CHN2: variants seen among roughly 807,000 people sequenced by gnomAD.
CHN2 encodes the protein chimerin 2, also known as beta-chimaerin.
In CHN2, 35 loss-of-function variants were observed where a neutral mutation model predicts 56.3. The ratio of observed to expected loss-of-function variants is 0.62; its 90% CI spans 0.47 to 0.82. The LOEUF (loss-of-function observed/expected upper bound fraction) is 0.82, where lower values mean the gene tolerates loss of function less well. CHN2 is among the 40% of genes least tolerant of loss of function. The pLI is 0.00. For missense variants in CHN2, 491 were observed against 580.5 expected (o/e 0.85, Z 1.58); for synonymous variants, 210 against 212.8 (o/e 0.99, Z 0.12).
chr7:29,409,163 G>A (rs73306839), intron 6 of CHN2, among the ~76,000 whole-genome samples: 6 of 152,102 alleles, frequency 3.9e-5, no homozygotes, highest in Non-Finnish European at 7.4e-5. Flanking sequence ...GCAGCTCTGC[G>A]GGCCTAGGAC....
rs1795766267 is a variant in CHN2, at chr7:29,325,958, T to C, written c.50-28667T>C. Among the ~76,000 whole-genome samples, 5 of 152,338 alleles carry C rather than the reference T, an allele frequency of 3.3e-5. No homozygotes were observed. In the South Asian group the frequency reaches 6.2e-4, roughly 19 times the overall value. ...ACTCTGAGACCTCTGTGTCCTTCTC[T>C]ATAACATGAGAACATTGGATCAACT... On this transcript the variant is annotated intron_variant, in intron 1 of 12. Transcript: ENST00000222792.
At chr7:29,196,353 T>C (rs1229970764) in intron 1 of CHN2, among the ~76,000 whole-genome samples, 1 of 152,236 alleles carries the variant, frequency 6.6e-6, no homozygotes, top group Non-Finnish European at 1.5e-5. Context: ...GTGTGTGATA[T>C]AGTTCAAGTT....
At chr7:29,502,699 A>G (rs779154791) in intron 9 of CHN2, among the ~76,000 whole-genome samples, 7 of 152,186 alleles carry the variant, frequency 4.6e-5, no homozygotes, top group Non-Finnish European at 8.8e-5. Context: ...CCATTTAATT[A>G]TAATCCAAAC....
intron 2 of CHN2, among the ~76,000 whole-genome samples, chr7:29,185,319 T>C (rs2128747818): frequency 6.6e-6 from 1 of 152,338 alleles, no homozygotes; most frequent in East Asian, 1.9e-4. Context: ...TTAAAGATCA[T>C]AACATGGACC....
rs189500986 is a variant in CHN2 at position 29,232,771 on chromosome 7, C to T, written c.49+37781C>T. Among the ~76,000 whole-genome samples, 7 of 152,196 alleles carry T rather than the reference C, an allele frequency of 4.6e-5. No individual in the cohort carries two copies. In the East Asian group the frequency reaches 1.4e-3, roughly 29 times the overall value. On this transcript the variant is annotated intron_variant, in intron 1 of 12. Coordinates refer to ENST00000222792, the MANE Select transcript of CHN2 (RefSeq NM_004067.4). ...TGAATGCTCATTGAATGCAGGGTAC[C>T]ATTAAATTTTGCAGGCTTCTTTCTA...
chr7:29,251,626 C>T (rs922952004), intron 1 of CHN2, among the ~76,000 whole-genome samples: 1 of 152,114 alleles, frequency 6.6e-6, no homozygotes, highest in African/African-American at 2.4e-5. Context: ...CTAACACTTA[C>T]ACAGAATTTC....
At chr7:29,292,497 C>T (rs985190123) in intron 1 of CHN2, among the ~76,000 whole-genome samples, 3 of 152,248 alleles carry the variant, frequency 2.0e-5, no homozygotes, top group Non-Finnish European at 4.4e-5. Flanking sequence ...TGATTCACCC[C>T]TGCCAATTGG....
chr7:29,462,712 G>A (rs1227626908), intron 6 of CHN2, among the ~76,000 whole-genome samples: 1 of 152,096 alleles, frequency 6.6e-6, no homozygotes, highest in East Asian at 1.9e-4. Context: ...AAGCTTCATT[G>A]CCTTTTATGA....
At position 29,178,329 on chromosome 7, in the gene CHN2, C is replaced by A. The variant is rs370644696; in HGVS notation, c.274+31369C>A. 4.3e-4 allele frequency among the ~76,000 whole-genome samples: 66 copies of A among 152,290 alleles called. 1 individual carries two copies. In the South Asian group the frequency reaches 9.3e-3, roughly 22 times the overall value. ...AATAAACAGAAAGTCTCCACTATGA[C>A]CCACGTGGCTGCTAGGATCTGACAT... On this transcript the variant is annotated intron_variant, in intron 2 of 6. Transcript: ENST00000439384.
At chr7:29,220,278 A>AGAGAGAG (rs1554366761) in intron 1 of CHN2, among the ~76,000 whole-genome samples, 4 of 37,750 alleles carry the variant, frequency 1.1e-4, no homozygotes, top group South Asian at 5.9e-4. Flanking sequence ...TTAAAAAAAA[A>AGAGAGAG]AAAGAGAGAG....
At chr7:29,331,900 T>A (rs1796248079) in intron 1 of CHN2, among the ~76,000 whole-genome samples, 1 of 151,540 alleles carries the variant, frequency 6.6e-6, no homozygotes. Context: ...TAATCCCAGC[T>A]ACTCAGGAGG....
intron 2 of CHN2, among the ~76,000 whole-genome samples, chr7:29,169,842 A>G (rs57113195): frequency 0.027 from 4,112 of 151,270 alleles, 110 homozygotes; most frequent in African/African-American, 0.068. Flanking sequence ...ATATACACAC[A>G]TATATATAAG....
chr7:29,155,556 C>T (rs1794246832), intron 2 of CHN2, among the ~76,000 whole-genome samples: 1 of 152,278 alleles, frequency 6.6e-6, no homozygotes, highest in Admixed American at 6.5e-5. Context: ...AGTGTCAGAA[C>T]TGGAATTCAA....
chr7:29,315,755 A>G (rs926701634), intron 1 of CHN2, among the ~76,000 whole-genome samples: 1 of 152,214 alleles, frequency 6.6e-6, no homozygotes, highest in Non-Finnish European at 1.5e-5. Context: ...AGTGAATAAA[A>G]GAAAAAAAGT....
intron 2 of CHN2, among the ~76,000 whole-genome samples, chr7:29,149,342 G>A (rs115349686): frequency 0.017 from 2,542 of 151,680 alleles, 52 homozygotes; most frequent in African/African-American, 0.057. Context: ...ACAAGCACCC[G>A]CCACCACAGC....
chr7:29,314,775 AT>A (rs1794840671), intron 1 of CHN2, among the ~76,000 whole-genome samples: 1 of 152,068 alleles, frequency 6.6e-6, no homozygotes, highest in Non-Finnish European at 1.5e-5. Flanking sequence ...AATTACTTGC[AT>A]TTCCACTGAA....
At chr7:29,224,047 G>A (rs1786002134) in intron 1 of CHN2, among the ~76,000 whole-genome samples, 1 of 152,124 alleles carries the variant, frequency 6.6e-6, no homozygotes, top group Admixed American at 6.6e-5. Context: ...AGGGAAAGGT[G>A]GGCCAGACTG....
chr7:29,434,357 G>T (rs897199430), intron 6 of CHN2, among the ~76,000 whole-genome samples: 4 of 151,762 alleles, frequency 2.6e-5, no homozygotes, highest in Admixed American at 2.6e-4. Flanking sequence ...ACCATGAACT[G>T]CATGCCTTAG....
intron 7 of CHN2, among the ~76,000 whole-genome samples, chr7:29,481,780 C>T (rs1199880568): frequency 1.3e-5 from 2 of 151,050 alleles, no homozygotes; most frequent in Non-Finnish European, 2.9e-5. Context: ...TGTGGATACA[C>T]TACTAGTGAT....
Sources: gnomAD v4.1 joint callset for allele counts (sites outside exome capture counted in the v4.1 genomes callset) on GRCh38, gnomAD v4.1.1 for gene constraint, MANE v1.5 for transcripts, NCBI Gene and HGNC (gene_info 2026-07-23, HGNC 2026-07-21) for gene names.